The following POU2F3 variants were observed in gnomAD, a reference collection of about 807,000 sequenced individuals.
POU2F3 encodes the protein POU class 2 homeobox 3.
POU2F3 carries 23 observed loss-of-function variants against 59.2 expected under a neutral mutation model. The ratio of observed to expected loss-of-function variants is 0.39; its 90% CI spans 0.28 to 0.55. The LOEUF (loss-of-function observed/expected upper bound fraction) is 0.55. POU2F3 is among the 20% of genes least tolerant of loss of function. The pLI, the probability that POU2F3 is intolerant of heterozygous loss-of-function variation, is 0.66. For synonymous variants in POU2F3, 190 were observed against 214.6 expected (o/e 0.89, Z 1.00); for missense variants, 473 against 544.5 (o/e 0.87, Z 1.31).
At chr11:120,241,894 T>C (rs565495396) in intron 1 of POU2F3, among the ~76,000 whole-genome samples, 34 of 152,148 alleles carry the variant, frequency 2.2e-4, no homozygotes, top group African/African-American at 7.5e-4. Flanking sequence ...GAGGATGAGG[T>C]TGAGGCATAG....
chr11:120,275,960 T>C (rs995838186), intron 3 of POU2F3, among the ~76,000 whole-genome samples: 1 of 152,232 alleles, frequency 6.6e-6, no homozygotes, highest in African/African-American at 2.4e-5. Context: ...TGTAATTAAT[T>C]GGCTCGTTGG....
At chr11:120,272,462 A>C (rs1472396005) in intron 3 of POU2F3, among the ~76,000 whole-genome samples, 1 of 152,164 alleles carries the variant, frequency 6.6e-6, no homozygotes, top group Non-Finnish European at 1.5e-5. Context: ...TAGAAGGAGT[A>C]GGGAGGGGAA....
At chr11:120,304,979 ATGT>A in intron 6 of POU2F3, 48 bp from the exon 7 acceptor site, 32 of 1,076,412 alleles carry the variant, frequency 3.0e-5, no homozygotes, top group Non-Finnish European at 3.9e-5. Context: ...AAATCAGAAA[ATGT>A]TATTTATTGA....
chr11:120,236,721 C>G (rs576972701), upstream of POU2F3: 5 of 1,476,192 alleles, frequency 3.4e-6, no homozygotes, highest in Admixed American at 5.9e-5. Flanking sequence ...AAGGAGTTCT[C>G]TACGTTCCCA....
At chr11:120,272,744 A>G (rs1940131838) in intron 3 of POU2F3, among the ~76,000 whole-genome samples, 1 of 152,144 alleles carries the variant, frequency 6.6e-6, no homozygotes. Flanking sequence ...AAGGGTGGGA[A>G]GGTCAAGGGA....
At chr11:120,292,371 CAAAAACA>C (rs905357132) in intron 3 of POU2F3, among the ~76,000 whole-genome samples, 2 of 151,612 alleles carry the variant, frequency 1.3e-5, no homozygotes, top group Non-Finnish European at 2.9e-5. Context: ...AAAACAAAAA[CAAAAACA>C]AAAAAAAAGT....
Position 120,315,373 on chromosome 11 carries a change from G to C in POU2F3, c.1081G>C (p.Gly361Arg). 1 of 1,613,412 alleles carries C rather than the reference G, an allele frequency of 6.2e-7. No individual in the cohort carries two copies. Among genetic ancestry groups the C allele is most frequent in the Non-Finnish European group, 8.5e-7 (1 of 1,179,324 alleles). The change falls in exon 11 of 13, where the codon GGG becomes CGG. Residue 361 changes from glycine to arginine, a missense_variant. By Grantham distance (125) the Gly-to-Arg change is moderately radical. Transcript: ENST00000543440. ...VYNSRLVSPS[G>R]SLGPLSVPPV... ...TGTTGTTTTTCAGGTATCTCCCTCA[G>C]GGTCTCTGGGCCCCCTCTCTGTCCC...
chr11:120,256,353 TAGA>T (rs1401528509), intron 2 of POU2F3: 2 of 152,188 alleles, frequency 1.3e-5, no homozygotes, highest in Non-Finnish European at 1.5e-5. Flanking sequence ...GTAAAGCACT[TAGA>T]AGAGCGCCTG....
At chr11:120,239,036 C>T (rs1338991833), upstream of POU2F3, among the ~76,000 whole-genome samples, 2 of 152,074 alleles carry the variant, frequency 1.3e-5, no homozygotes, top group East Asian at 3.9e-4. Context: ...TGGGTGTTAT[C>T]GTGGGCATGA....
chr11:120,299,778 TTGC>T (rs1421165606), intron 5 of POU2F3, 52 bp downstream of exon 5: 1 of 1,505,728 alleles, frequency 6.6e-7, no homozygotes. Context: ...AGTGCTGCTG[TTGC>T]TGCTGTTTTT....
chr11:120,300,790 A>G (rs1941327557), intron 5 of POU2F3: 1 of 288,622 alleles, frequency 3.5e-6, no homozygotes, highest in Non-Finnish European at 6.8e-6. Flanking sequence ...TGGAGGAAGT[A>G]TAAACTCTCT....
rs770047311 is a variant in POU2F3, at chr11:120,307,631, G to C, written c.906+16G>C. ...GTTTCAAGATGTGAGCAGCACCTTC[G>C]GGTGGGCACGGGTGGGCTACCTCAC... On this transcript the variant is annotated intron_variant, in intron 9 of 12. Coordinates refer to ENST00000543440, the MANE Select transcript of POU2F3 (RefSeq NM_014352.4). The C allele has an allele frequency of 6.2e-7, 1 of 1,613,394 alleles. No homozygotes were observed. Among genetic ancestry groups the C allele is most frequent in the South Asian group, 1.1e-5 (1 of 91,008 alleles).
intron 3 of POU2F3, among the ~76,000 whole-genome samples, chr11:120,278,711 CA>C (rs1276753675): frequency 1.3e-5 from 2 of 152,110 alleles, no homozygotes; most frequent in Non-Finnish European, 2.9e-5. Flanking sequence ...AATGTTCAGG[CA>C]GGAGATAATT....
At chr11:120,280,433 G>A (rs1227343083) in intron 3 of POU2F3, among the ~76,000 whole-genome samples, 1 of 152,156 alleles carries the variant, frequency 6.6e-6, no homozygotes, top group Non-Finnish European at 1.5e-5. Flanking sequence ...TATCTTACTT[G>A]AGATTACCTA....
rs192577940 is a variant in POU2F3 at position 120,298,192 on chromosome 11, C to T, written c.133-73C>T. The T allele has an allele frequency of 4.6e-5, 70 of 1,511,302 alleles. No homozygotes were observed. In the African/African-American group the frequency reaches 9.5e-4, roughly 20 times the overall value. The allele number at this position is 1,511,302 out of a possible 1,614,324, so 93.6% of individuals were successfully genotyped here. A position where few individuals can be genotyped will look rare whatever the true frequency, so the allele number is the denominator to read the frequency against. The stretch of plus-strand genomic sequence containing the variant: ...CTGGTCACTCCTTTCCTGCCTGGAT[C>T]TTCCTGCCATTTCCATCTCTGACTG... On this transcript the variant is annotated intron_variant, in intron 3 of 12. Transcript: ENST00000543440.
At chr11:120,313,769 T>A (rs1458562405) in intron 10 of POU2F3, among the ~76,000 whole-genome samples, 3 of 152,008 alleles carry the variant, frequency 2.0e-5, no homozygotes, top group Admixed American at 6.6e-5. Context: ...ATCCCAGCAA[T>A]TTGGGAGGCC....
chr11:120,275,240 G>T (rs1377052610), intron 3 of POU2F3, among the ~76,000 whole-genome samples: 1 of 152,092 alleles, frequency 6.6e-6, no homozygotes, highest in Non-Finnish European at 1.5e-5. Flanking sequence ...GGGAAAGCTA[G>T]GAAAGGCAGT....
Position 120,318,398 on chromosome 11 carries a change from A to T in POU2F3, c.*6A>T, listed in dbSNP as rs376587998. The T allele has an allele frequency of 6.3e-7, 1 of 1,595,740 alleles. No individual in the cohort carries two copies. Among genetic ancestry groups the T allele is most frequent in the South Asian group, 1.1e-5 (1 of 90,718 alleles). On this transcript the variant is annotated 3_prime_UTR_variant, in exon 13 of 13. Coordinates refer to ENST00000543440, the MANE Select transcript of POU2F3 (RefSeq NM_014352.4). ...ATTCCACCTACCTCCACTGAGACCA[A>T]AAAGTTTCTCCTACTCCAGCTGGCC...
In POU2F3 at chr11:120,309,564, C is replaced by A. The variant is rs779165602; in HGVS notation, c.1046C>A (p.Pro349Gln). 1 of 1,614,036 alleles carries A rather than the reference C, an allele frequency of 6.2e-7. No individual in the cohort carries two copies. The highest frequency in any genetic ancestry group is 8.5e-7 in the Non-Finnish European group (1 of 1,179,934). Residue 349 changes from proline (P) to glutamine (Q), a missense_variant, in exon 10 of 13, where the codon CCA (proline) becomes CAA (glutamine). Pro to Gln is a moderately conservative substitution (Grantham distance 76). Transcript: ENST00000543440. Reference protein sequence around the residue: ...INCPVATPIKPPVYNSRLVSP... With the variant: ...INCPVATPIKQPVYNSRLVSP... The stretch of plus-strand genomic sequence containing the variant: ...TGCCCTGTGGCCACACCCATCAAAC[C>A]ACCTGTCTACAACTCCCGGCTGGTG...
Sources: allele counts gnomAD v4.1 joint callset (sites outside exome capture counted in the v4.1 genomes callset), GRCh38; gene constraint gnomAD v4.1.1; transcripts MANE v1.5; gene names NCBI Gene and HGNC (gene_info 2026-07-23, HGNC 2026-07-21).